DST: variants seen among roughly 807,000 people sequenced by gnomAD.
DST encodes the protein bullous pemphigoid antigen.
In DST, 253 loss-of-function variants were observed where a neutral mutation model predicts 875.2. The observed-to-expected ratio is 0.29, with a 90% CI of 0.26 to 0.32. DST has a LOEUF of 0.32. Ranked by LOEUF, DST falls within the 10% of genes least tolerant of loss-of-function variation. The pLI, the probability that DST is intolerant of heterozygous loss-of-function variation, is 1.00. For missense variants in DST, 8,287 were observed against 9,111.6 expected, an observed-to-expected ratio of 0.91 and a Z score of 3.68; for synonymous variants, 3,124 against 3,197.1, an observed-to-expected ratio of 0.98 and a Z score of 0.77.
At chr6:56,668,059 G>C (rs193233052) in intron 10 of DST, among the ~76,000 whole-genome samples, 82 of 152,194 alleles carry the variant, frequency 5.4e-4, no homozygotes, top group Non-Finnish European at 9.7e-4. Context: ...AGAATAGCTG[G>C]ATCCCATATT....
intron 37 of DST, among the ~76,000 whole-genome samples, chr6:56,612,396 A>G (rs1388505472): frequency 6.6e-6 from 1 of 152,182 alleles, no homozygotes; most frequent in Non-Finnish European, 1.5e-5. Flanking sequence ...ATTGAAAAAA[A>G]GAACAAATAA....
At chr6:56,831,109 C>T (rs2099786394) in intron 4 of DST, among the ~76,000 whole-genome samples, 2 of 152,102 alleles carry the variant, frequency 1.3e-5, no homozygotes, top group Admixed American at 1.3e-4. Context: ...GTATAAAGTG[C>T]TAAAATTATT....
Position 56,493,072 on chromosome 6 carries a change from A to G in DST, c.20412T>C (p.Ala6804=), listed in dbSNP as rs146563577. The G allele has an allele frequency of 1.0e-4, 166 of 1,611,316 alleles. No individual in the cohort carries two copies. The highest frequency in any genetic ancestry group is 1.3e-4 in the Non-Finnish European group (156 of 1,178,612). ...LNERKTKLEE[A]LNLAMEFHNS... is the part of the protein sequence containing the mutation. ...TGTGGAACTCCATTGCCAAGTTGAG[A>G]GCCTCTTCCAGTTTAGTCTGCAAGG... Residue 6804 remains alanine, a synonymous_variant, in exon 84 of 104, where the codon GCT becomes GCC. Transcript: ENST00000680361.
chr6:56,604,875 T>C lies in DST; in HGVS notation c.9753A>G (p.Glu3251=). 1 of 1,612,718 alleles carries C rather than the reference T, an allele frequency of 6.2e-7. No homozygotes were observed. The highest frequency in any genetic ancestry group is 8.5e-7 in the Non-Finnish European group (1 of 1,179,304). Residue 3251 remains glutamate (E), a synonymous_variant, in exon 40 of 104, where the codon GAA becomes GAG. Transcript: ENST00000680361. ...TTTCTGTTCCTCCTCCTGAGATGCT[T>C]TCTTTACTACAAAGATCATTGCTTT... is the stretch of plus-strand genomic sequence containing the variant. The part of the protein sequence containing the change: ...MIQSNDLCSK[E]SISGGGTEIS...
Position 56,592,188 on chromosome 6 carries a change from C to T in DST, c.12897G>A (p.Glu4299=), listed in dbSNP as rs374445830. The T allele has an allele frequency of 5.0e-6, 8 of 1,612,756 alleles. No individual in the cohort carries two copies. The highest frequency in any genetic ancestry group is 1.7e-4 in the Middle Eastern group (1 of 6,058). The part of the protein sequence containing the change: ...DPKNLQRQLE[E]TKALQGQISS... ...TCTTTCTCTCGCTTTTTACCTTGGT[C>T]TCTTCTAATTGCCTTTGAAGATTTT... The change falls in exon 49 of 104, where the codon GAG becomes GAA. Residue 4299 remains glutamate (E), a synonymous_variant. Transcript: ENST00000680361.
intron 4 of DST, among the ~76,000 whole-genome samples, chr6:56,783,981 T>C (rs1590255477): frequency 6.6e-6 from 1 of 152,186 alleles, no homozygotes; most frequent in Admixed American, 6.5e-5. Flanking sequence ...CCTTCACTTA[T>C]GAAGCTTAGT....
At chr6:56,582,923 A>G (rs934587262) in intron 49 of DST, among the ~76,000 whole-genome samples, 1 of 152,012 alleles carries the variant, frequency 6.6e-6, no homozygotes, top group African/African-American at 2.4e-5. Context: ...AAGGACATGA[A>G]CTCATCATTT....
At chr6:56,907,616 G>C (rs183858310) in intron 2 of DST, among the ~76,000 whole-genome samples, 12 of 152,270 alleles carry the variant, frequency 7.9e-5, no homozygotes, top group African/African-American at 2.9e-4. Context: ...CTTATGTAAA[G>C]AGATTATAAG....
At chr6:56,849,131 G>T in intron 4 of DST, among the ~76,000 whole-genome samples, 1 of 144,152 alleles carries the variant, frequency 6.9e-6, no homozygotes, top group Non-Finnish European at 1.5e-5. Context: ...AAGAATTCAT[G>T]CAATTTTTTT....
At chr6:56,947,787 A>G (rs1039287614) in intron 2 of DST, among the ~76,000 whole-genome samples, 1 of 152,166 alleles carries the variant, frequency 6.6e-6, no homozygotes, top group Non-Finnish European at 1.5e-5. Context: ...AATCTTGTCT[A>G]TCCTCATGCC....
At chr6:56,757,759 T>C (rs963593242) in intron 4 of DST, among the ~76,000 whole-genome samples, 1 of 152,218 alleles carries the variant, frequency 6.6e-6, no homozygotes, top group Non-Finnish European at 1.5e-5. Context: ...AGCAGCCATC[T>C]AGGACCACAA....
At chr6:56,480,053 A>T (rs1437981604) in intron 90 of DST, among the ~76,000 whole-genome samples, 1 of 152,228 alleles carries the variant, frequency 6.6e-6, no homozygotes, top group Non-Finnish European at 1.5e-5. Flanking sequence ...TCGGTCCACA[A>T]GATTAAAAGA....
intron 3 of DST, among the ~76,000 whole-genome samples, chr6:56,873,545 G>A (rs1778307982): frequency 6.6e-6 from 1 of 152,184 alleles, no homozygotes; most frequent in Non-Finnish European, 1.5e-5. Flanking sequence ...AAAGAAGAAT[G>A]AAATTCTGTC....
intron 98 of DST, among the ~76,000 whole-genome samples, chr6:56,468,504 T>C (rs2094705503): frequency 6.6e-6 from 1 of 152,138 alleles, no homozygotes; most frequent in South Asian, 2.1e-4. Context: ...AGAGAACTTG[T>C]TACTTGTGGC....
intron 2 of DST, among the ~76,000 whole-genome samples, chr6:56,938,808 T>G (rs1235194277): frequency 1.3e-5 from 2 of 152,110 alleles, no homozygotes; most frequent in Non-Finnish European, 2.9e-5. Flanking sequence ...CTGAGTTGGC[T>G]TACTGGAAGA....
intron 9 of DST, among the ~76,000 whole-genome samples, chr6:56,690,272 T>A (rs964286266): frequency 6.6e-6 from 1 of 152,206 alleles, no homozygotes; most frequent in Non-Finnish European, 1.5e-5. Flanking sequence ...GTTGTTTGGA[T>A]GATCAAATGA....
chr6:56,603,567 CA>C lies in DST; in HGVS notation c.10937del (p.Leu3646TrpfsTer8). On this transcript the variant is annotated frameshift_variant, in exon 41 of 104. Transcript: ENST00000680361. LOFTEE classifies it high-confidence loss of function. ...AGAGGCAGTAGACAATTCTTACCTC[CA>C]ACTGTCTAAGTTGATTCTTCAAAGC... Reference protein sequence around the residue: ...LEALKNQLRQLETFELGLAPI... With the variant: ...LEALKNQLRQXETFELGLAPI... 6.2e-7 allele frequency: 1 copy of C among 1,604,972 alleles called. No homozygotes were observed. Among genetic ancestry groups the C allele is most frequent in the Admixed American group, 1.7e-5 (1 of 58,586 alleles).
chr6:56,564,821 G>A (rs1462983580), intron 55 of DST, among the ~76,000 whole-genome samples: 4 of 152,220 alleles, frequency 2.6e-5, no homozygotes, highest in Non-Finnish European at 5.9e-5. Context: ...CATCTATTGA[G>A]ATAATAATGT....
chr6:56,623,457 T>C lies in DST; in HGVS notation c.4929+1073A>G, dbSNP rs183025045. On this transcript the variant is annotated intron_variant, in intron 36 of 103. Coordinates refer to ENST00000680361, the MANE Select transcript of DST (RefSeq NM_001374736.1). ...ATGGTCACAAATATCCTGGTTCTCC[T>C]AAGCACAAAGGAAGAGGGTTATAAA... is the stretch of plus-strand genomic sequence containing the variant. 9.1e-3 allele frequency among the ~76,000 whole-genome samples: 1,391 copies of C among 152,264 alleles called. 14 individuals are homozygous for C. The highest frequency in any genetic ancestry group is 0.014 in the Non-Finnish European group (984 of 68,002).
Sources: gnomAD v4.1 joint callset for allele counts (sites outside exome capture counted in the v4.1 genomes callset) on GRCh38, gnomAD v4.1.1 for gene constraint, MANE v1.5 for transcripts, NCBI Gene and HGNC (gene_info 2026-07-23, HGNC 2026-07-21) for gene names.